Variants in RBMS3 observed in about 807,000 individuals in gnomAD.
The protein encoded by RBMS3 is RNA binding motif single stranded interacting protein 3.
RBMS3 carries 27 observed loss-of-function variants against 66.8 expected under a neutral mutation model. The ratio of observed to expected loss-of-function variants is 0.40; its 90% CI spans 0.30 to 0.56. RBMS3 has a LOEUF of 0.56. RBMS3 is among the 20% of genes least tolerant of loss of function. The probability of loss-of-function intolerance (pLI) is 0.40; values close to 1 mark genes in which losing one functional copy is unlikely to be tolerated. For synonymous variants in RBMS3, 188 were observed against 183.0 expected, an observed-to-expected ratio of 1.03 and a Z score of -0.22; for missense variants, 513 against 549.5, an observed-to-expected ratio of 0.93 and a Z score of 0.66.
At chr3:29,820,387 G>A (rs562980437) in intron 6 of RBMS3, among the ~76,000 whole-genome samples, 3 of 151,708 alleles carry the variant, frequency 2.0e-5, no homozygotes, top group Non-Finnish European at 4.4e-5. Flanking sequence ...AGGATTGATA[G>A]ATTTGATCTA....
chr3:29,662,200 A>T (rs1184582886), intron 4 of RBMS3, among the ~76,000 whole-genome samples: 2 of 152,208 alleles, frequency 1.3e-5, no homozygotes, highest in East Asian at 3.9e-4. Context: ...TGATGCATGT[A>T]TAAATATACA....
intron 1 of RBMS3, among the ~76,000 whole-genome samples, chr3:29,363,783 C>G (rs116152647): frequency 0.024 from 3,270 of 134,896 alleles, 119 homozygotes; most frequent in African/African-American, 0.086. Context: ...GAGTGAGACT[C>G]TGTCTCAAAA....
rs149022808 is a variant in RBMS3, at chr3:29,535,710, C to CTTTTTTTTTTTTTTTT, written c.307+47227_307+47242dup. 6.8e-4 allele frequency among the ~76,000 whole-genome samples: 27 copies of CTTTTTTTTTTTTTTTT among 39,744 alleles called. 8 individuals are homozygous for CTTTTTTTTTTTTTTTT. The highest frequency in any genetic ancestry group is 3.1e-3 in the Admixed American group (6 of 1,946). The allele number at this position is 39,744 out of a possible 152,430, so 26.1% of individuals were successfully genotyped here. A position where few individuals can be genotyped will look rare whatever the true frequency, so the allele number is the denominator to read the frequency against. ...GAGTTCAATGATTGAGATCATTGCT[C>CTTTTTTTTTTTTTTTT]TTTTTTTTTTTTTTTTTTTTTTTTT... On this transcript the variant is annotated intron_variant, in intron 3 of 14. Transcript: ENST00000383767.
At chr3:29,357,097 G>C (rs978557209) in intron 1 of RBMS3, among the ~76,000 whole-genome samples, 1 of 151,896 alleles carries the variant, frequency 6.6e-6, no homozygotes, top group African/African-American at 2.4e-5. Context: ...TGTGCACAAC[G>C]TGCAGGTTTG....
Position 29,988,210 on chromosome 3 carries a change from C to T in RBMS3, c.1166C>T (p.Ala389Val), listed in dbSNP as rs1698566275. Residue 389 changes from alanine to valine, a missense_variant, in exon 13 of 15, where the codon GCT becomes GTT. Physicochemically the swap from Ala to Val is moderately conservative, Grantham distance 64. Coordinates refer to ENST00000383767, the MANE Select transcript of RBMS3 (RefSeq NM_001003793.3). ...CAGTACACGCCTGTGCCTCCGACAG[C>T]TGTTTCTATTGAAGTAAGTCTACCC... ...IPQYTPVPPTAVSIEGVVADT... is the reference protein window; with the variant it reads ...IPQYTPVPPTVVSIEGVVADT... The T allele has an allele frequency of 1.2e-6, 2 of 1,610,218 alleles. No individual in the cohort carries two copies. The highest frequency in any genetic ancestry group is 1.3e-5 in the African/African-American group (1 of 74,970).
intron 3 of RBMS3, among the ~76,000 whole-genome samples, chr3:29,514,658 T>TATATATATATATATATATAC (rs1553614276): frequency 3.2e-4 from 46 of 142,032 alleles, no homozygotes; most frequent in African/African-American, 1.2e-3. Context: ...CACATATATA[T>TATATATATATATATATATAC]ATATATATAT....
intron 1 of RBMS3, among the ~76,000 whole-genome samples, chr3:29,336,369 T>A (rs1413035485): frequency 6.6e-6 from 1 of 152,072 alleles, no homozygotes; most frequent in Admixed American, 6.6e-5. Context: ...AGCTTTTCCA[T>A]CAAACTCAAT....
At chr3:29,623,420 G>A (rs1368519009) in intron 4 of RBMS3, among the ~76,000 whole-genome samples, 5 of 151,224 alleles carry the variant, frequency 3.3e-5, no homozygotes, top group African/African-American at 9.7e-5. Flanking sequence ...GTGAAACCCC[G>A]TCTCTACTAA....
chr3:29,472,914 C>T (rs2042791350), intron 2 of RBMS3, among the ~76,000 whole-genome samples: 1 of 151,998 alleles, frequency 6.6e-6, no homozygotes. Context: ...CTGGCCCCAC[C>T]CACATCCTGC....
intron 6 of RBMS3, among the ~76,000 whole-genome samples, chr3:29,857,294 G>T (rs377317733): frequency 2.9e-4 from 44 of 152,210 alleles, no homozygotes; most frequent in African/African-American, 9.9e-4. Context: ...TTGCTTCCTT[G>T]TTGGAGAATC....
intron 10 of RBMS3, among the ~76,000 whole-genome samples, chr3:29,910,783 A>G (rs2060495665): frequency 7.5e-6 from 1 of 133,920 alleles, no homozygotes; most frequent in South Asian, 2.4e-4. Flanking sequence ...ATATGTATAT[A>G]ATTTTCATGT....
chr3:29,732,845 C>G (rs537565261), intron 4 of RBMS3, among the ~76,000 whole-genome samples: 1 of 152,192 alleles, frequency 6.6e-6, no homozygotes, highest in South Asian at 2.1e-4. Context: ...GTGAGAGTCA[C>G]TGAATAACGA....
chr3:29,780,317 A>G (rs1031529248), intron 6 of RBMS3, among the ~76,000 whole-genome samples: 2 of 99,700 alleles, frequency 2.0e-5, no homozygotes, highest in South Asian at 3.1e-4. Flanking sequence ...TCAGTCAGAT[A>G]ACAAAAAAAA....
chr3:29,439,827 A>G (rs1159048370), intron 2 of RBMS3, among the ~76,000 whole-genome samples: 1 of 152,158 alleles, frequency 6.6e-6, no homozygotes, highest in East Asian at 1.9e-4. Flanking sequence ...TAATATTAAA[A>G]GCACTAAAGG....
At chr3:29,332,458 A>G (rs1236595933) in intron 1 of RBMS3, among the ~76,000 whole-genome samples, 2 of 152,156 alleles carry the variant, frequency 1.3e-5, no homozygotes, top group Non-Finnish European at 2.9e-5. Flanking sequence ...TGCTTTATCT[A>G]AGAAATGAGT....
intron 1 of RBMS3, among the ~76,000 whole-genome samples, chr3:29,300,998 G>A (rs1435740935): frequency 6.6e-6 from 1 of 151,866 alleles, no homozygotes; most frequent in East Asian, 1.9e-4. Flanking sequence ...GCCAAAAGGT[G>A]GTAGATGATA....
intron 1 of RBMS3, among the ~76,000 whole-genome samples, chr3:29,344,622 C>T (rs943769189): frequency 1.3e-5 from 2 of 152,000 alleles, no homozygotes; most frequent in African/African-American, 2.4e-5. Context: ...CTATTATGTG[C>T]AACCAGGCTA....
At chr3:29,677,900 A>G (rs1480677573) in intron 4 of RBMS3, among the ~76,000 whole-genome samples, 2 of 152,194 alleles carry the variant, frequency 1.3e-5, no homozygotes, top group Non-Finnish European at 2.9e-5. Flanking sequence ...GTCACATACC[A>G]GCTCTGTGGC....
At chr3:29,325,500 G>A (rs529838878) in intron 1 of RBMS3, among the ~76,000 whole-genome samples, 2 of 148,042 alleles carry the variant, frequency 1.4e-5, no homozygotes, top group Admixed American at 1.3e-4. Context: ...CCCATTAAAT[G>A]CATATATATA....
Sources: allele counts gnomAD v4.1 joint callset (sites outside exome capture counted in the v4.1 genomes callset), GRCh38; gene constraint gnomAD v4.1.1; transcripts MANE v1.5; gene names NCBI Gene and HGNC (gene_info 2026-07-23, HGNC 2026-07-21).